Variants in PRPSAP1 observed in about 807,000 individuals in gnomAD.
PRPSAP1 encodes phosphoribosyl pyrophosphate synthase-associated protein 1.
PRPSAP1 carries 31 observed loss-of-function variants against 39.4 expected under a neutral mutation model. The observed-to-expected ratio is 0.79, with a 90% CI of 0.59 to 1.06. The LOEUF (loss-of-function observed/expected upper bound fraction) is 1.06. PRPSAP1 is among the 50% of genes least tolerant of loss of function. PRPSAP1 has a pLI of 0.00. For synonymous variants in PRPSAP1, 212 were observed against 192.6 expected, an observed-to-expected ratio of 1.10 and a Z score of -0.83; for missense variants, 430 against 511.6, an observed-to-expected ratio of 0.84 and a Z score of 1.54.
chr17:76,344,957 T>C (rs1433086641), intron 2 of PRPSAP1, among the ~76,000 whole-genome samples: 2 of 151,612 alleles, frequency 1.3e-5, no homozygotes, highest in African/African-American at 4.8e-5. Flanking sequence ...AAGAATTAGC[T>C]GGGCGCGGTG....
chr17:76,317,953 T>C (rs1183591600), intron 7 of PRPSAP1, among the ~76,000 whole-genome samples: 1 of 146,922 alleles, frequency 6.8e-6, no homozygotes, highest in Non-Finnish European at 1.5e-5. Flanking sequence ...TACTCTAAAA[T>C]GAGCTTCTCA....
At chr17:76,345,296 GT>G (rs1229489280) in intron 2 of PRPSAP1, among the ~76,000 whole-genome samples, 2 of 132,770 alleles carry the variant, frequency 1.5e-5, no homozygotes, top group African/African-American at 5.5e-5. Context: ...GTGAAACCCT[GT>G]CTCTACTAAA....
intron 7 of PRPSAP1, chr17:76,314,357 T>C (rs768118793): frequency 5.3e-5 from 10 of 188,094 alleles, no homozygotes; most frequent in South Asian, 9.4e-5. Context: ...GCTGGGATTA[T>C]AGGCATGCGC....
rs576817280 is a variant in PRPSAP1 at position 76,327,652 on chromosome 17, AAAAT to A, written c.781+1061_781+1064del. ...TGGCGACAGAGTGAGACTCCATCTC[AAAAT>A]AAATAAATAAGTAAAAATAAAAGTT... On this transcript the variant is annotated intron_variant, in intron 7 of 9. Transcript: ENST00000446526. Among the ~76,000 whole-genome samples the A allele has an allele frequency of 4.2e-4, 64 of 152,272 alleles. No individual in the cohort carries two copies. The East Asian group carries it at 9.3e-3, about 22-fold the overall frequency.
intron 3 of PRPSAP1, among the ~76,000 whole-genome samples, chr17:76,334,875 A>G (rs955427972): frequency 6.6e-6 from 1 of 152,210 alleles, no homozygotes; most frequent in African/African-American, 2.4e-5. Flanking sequence ...CACTTTCAAG[A>G]AAGTTGGGAA....
At chr17:76,348,164 T>A (rs944111194) in intron 2 of PRPSAP1, among the ~76,000 whole-genome samples, 12 of 150,172 alleles carry the variant, frequency 8.0e-5, no homozygotes, top group Non-Finnish European at 1.6e-4. Flanking sequence ...TTAATAAAAA[T>A]AAATAAATAA....
chr17:76,312,381 G>C (rs2071078596), intron 9 of PRPSAP1, among the ~76,000 whole-genome samples: 1 of 151,406 alleles, frequency 6.6e-6, no homozygotes, highest in Non-Finnish European at 1.5e-5. Flanking sequence ...AGGTTGCAGT[G>C]AGCCGAGATT....
chr17:76,335,591 G>A (rs531882459), intron 3 of PRPSAP1, among the ~76,000 whole-genome samples: 14 of 151,936 alleles, frequency 9.2e-5, no homozygotes, highest in African/African-American at 2.9e-4. Context: ...CTGACCTCAG[G>A]TGATCCAACC....
intron 7 of PRPSAP1, among the ~76,000 whole-genome samples, chr17:76,323,212 C>T (rs757684947): frequency 1.0e-5 from 1 of 100,302 alleles, no homozygotes; most frequent in Non-Finnish European, 2.0e-5. Flanking sequence ...CGTGGTGGTG[C>T]ACACCTGCAA....
At chr17:76,329,089 T>A (rs1361201553) in intron 6 of PRPSAP1, 1 of 424,296 alleles carries the variant, frequency 2.4e-6, no homozygotes, top group Non-Finnish European at 4.1e-6. Context: ...TTTTTTTTTT[T>A]GAGACAAGGT....
chr17:76,343,107 A>G (rs1366138720), intron 3 of PRPSAP1, among the ~76,000 whole-genome samples: 1 of 152,198 alleles, frequency 6.6e-6, no homozygotes, highest in Non-Finnish European at 1.5e-5. Context: ...AACGAAACAT[A>G]TAAAGCATCC....
At chr17:76,349,107 T>A (rs2071541176) in intron 1 of PRPSAP1, among the ~76,000 whole-genome samples, 1 of 151,754 alleles carries the variant, frequency 6.6e-6, no homozygotes, top group Non-Finnish European at 1.5e-5. Context: ...GGTCGGGAGT[T>A]TGAGACCAGC....
intron 7 of PRPSAP1, among the ~76,000 whole-genome samples, chr17:76,320,393 ACTTTGCTTTATGTTG>A (rs1285181742): frequency 6.9e-6 from 1 of 144,644 alleles, no homozygotes; most frequent in Non-Finnish European, 1.5e-5. Flanking sequence ...ATTTTATTGC[ACTTTGCTTTATGTTG>A]CTTTGCAGAT....
In PRPSAP1 at chr17:76,319,752, C is replaced by G. The variant is rs973694295; in HGVS notation, c.782-5861G>C. On this transcript the variant is annotated intron_variant, in intron 7 of 9. Transcript: ENST00000446526. Reference sequence around the variant, plus strand: ...ACAGGCGTGAGCCACCGTGCCTGGCCTGACTGATTTTTAAAAATAAATAAA... The same window carrying G: ...ACAGGCGTGAGCCACCGTGCCTGGCGTGACTGATTTTTAAAAATAAATAAA... Among the ~76,000 whole-genome samples the G allele has an allele frequency of 1.1e-4, 17 of 151,634 alleles. 1 individual carries two copies. The South Asian group carries it at 3.3e-3, about 30-fold the overall frequency.
At chr17:76,323,581 T>C (rs2071221191) in intron 7 of PRPSAP1, among the ~76,000 whole-genome samples, 1 of 152,146 alleles carries the variant, frequency 6.6e-6, no homozygotes, top group African/African-American at 2.4e-5. Flanking sequence ...TAGAAGTAAC[T>C]GCAGATGTGG....
At chr17:76,327,888 A>G (rs1374321879) in intron 7 of PRPSAP1, among the ~76,000 whole-genome samples, 2 of 152,186 alleles carry the variant, frequency 1.3e-5, no homozygotes, top group Non-Finnish European at 2.9e-5. Context: ...CAAAAGAGGA[A>G]ATCGGGCCTG....
chr17:76,314,043 TCTCTCAGAAA>T (rs2071095650), intron 7 of PRPSAP1, 152 bp from the exon 8 acceptor site: 2 of 751,754 alleles, frequency 2.7e-6, no homozygotes, highest in South Asian at 3.3e-5. Flanking sequence ...GAACCTGCAA[TCTCTCAGAAA>T]CAGCAGCATT....
At chr17:76,314,113 G>C (rs1029931658) in intron 7 of PRPSAP1, 1 of 553,108 alleles carries the variant, frequency 1.8e-6, no homozygotes, top group African/African-American at 1.9e-5. Context: ...GAATTTTCTA[G>C]TAGCCACATT....
At chr17:76,330,323 A>G in intron 5 of PRPSAP1, 3 of 602,966 alleles carry the variant, frequency 5.0e-6, no homozygotes, top group Non-Finnish European at 8.6e-6. Context: ...CATTCATTTT[A>G]GAAAACATAA....
Sources: allele counts gnomAD v4.1 joint callset (sites outside exome capture counted in the v4.1 genomes callset), GRCh38; gene constraint gnomAD v4.1.1; transcripts MANE v1.5; gene names NCBI Gene and HGNC (gene_info 2026-07-23, HGNC 2026-07-21).